Variants in ADAMTS12 observed in about 807,000 individuals in gnomAD.
ADAMTS12 encodes ADAM metallopeptidase with thrombospondin type 1 motif 12.
A neutral mutation model predicts 167.8 loss-of-function variants in ADAMTS12; 118 were observed. The observed-to-expected ratio is 0.70, with a 90% CI of 0.61 to 0.82. The LOEUF (loss-of-function observed/expected upper bound fraction) is 0.82, where lower values mean the gene tolerates loss of function less well. ADAMTS12 is among the 40% of genes least tolerant of loss of function. ADAMTS12 has a pLI of 0.00. For missense variants in ADAMTS12, 1,916 were observed against 1,998.8 expected (o/e 0.96, Z 0.79); for synonymous variants, 704 against 716.9 (o/e 0.98, Z 0.29).
chr5:33,576,320 C>T lies in ADAMTS12; in HGVS notation c.3706G>A (p.Val1236Ile), dbSNP rs572898982. The T allele has an allele frequency of 1.2e-6, 2 of 1,614,204 alleles. No individual in the cohort carries two copies. The highest frequency in any genetic ancestry group is 4.5e-5 in the East Asian group (2 of 44,888). The change falls in exon 19 of 24, where the codon GTT (valine) becomes ATT (isoleucine). Residue 1236 changes from valine (V) to isoleucine (I), a missense_variant. By Grantham distance (29) the Val-to-Ile change is conservative. Transcript: ENST00000504830. Reference sequence around the variant, plus strand: ...GGCTTTTCAGTAACCATCCCCTCAACTCTGGGTGTCCCAGTTTCGGAAGTA... The same window carrying T: ...GGCTTTTCAGTAACCATCCCCTCAATTCTGGGTGTCCCAGTTTCGGAAGTA... ...PTTSETGTPR[V>I]EGMVTEKPAN...
intron 2 of ADAMTS12, among the ~76,000 whole-genome samples, chr5:33,861,413 G>A (rs1749612145): frequency 6.6e-6 from 1 of 152,050 alleles, no homozygotes; most frequent in South Asian, 2.1e-4. Flanking sequence ...AGCCAAAAAA[G>A]ATCAAAAAAG....
intron 5 of ADAMTS12, among the ~76,000 whole-genome samples, chr5:33,676,029 C>T (rs977987278): frequency 2.6e-5 from 4 of 152,136 alleles, no homozygotes; most frequent in African/African-American, 9.7e-5. Flanking sequence ...CTCATTTCCT[C>T]TGCAAACAAA....
Position 33,881,066 on chromosome 5 carries a change from C to A in ADAMTS12, c.489+53G>T, listed in dbSNP as rs930060518. ...AACCTGTTGGTAGTAGGTCTACCAG[C>A]TGAGACTCTAGGGGCCAGGGCAGAG... On this transcript the variant is annotated intron_variant, in intron 2 of 23. Transcript: ENST00000504830. 6.3e-6 allele frequency: 10 copies of A among 1,580,650 alleles called. No individual in the cohort carries two copies. In the East Asian group the frequency reaches 2.0e-4, roughly 32 times the overall value.
chr5:33,751,212 T>C (rs1034782464), intron 3 of ADAMTS12, 192 bp downstream of exon 3: 18 of 686,718 alleles, frequency 2.6e-5, no homozygotes, highest in Non-Finnish European at 4.1e-5. Flanking sequence ...AGTGAAAGGG[T>C]TTATACAAGC....
intron 7 of ADAMTS12, among the ~76,000 whole-genome samples, chr5:33,651,444 G>T (rs1740865694): frequency 6.6e-6 from 1 of 152,144 alleles, no homozygotes; most frequent in South Asian, 2.1e-4. Context: ...ACAAACAAGT[G>T]TGCAAAAAAC....
At chr5:33,554,666 T>C (rs1745409499) in intron 20 of ADAMTS12, among the ~76,000 whole-genome samples, 1 of 152,220 alleles carries the variant, frequency 6.6e-6, no homozygotes, top group Non-Finnish European at 1.5e-5. Context: ...TCTGGGAACA[T>C]GCTGTGTATG....
chr5:33,860,033 G>T (rs1466362376), intron 2 of ADAMTS12, among the ~76,000 whole-genome samples: 1 of 152,162 alleles, frequency 6.6e-6, no homozygotes. Flanking sequence ...ACCAAAGGTC[G>T]ATAAATCCAC....
intron 16 of ADAMTS12, among the ~76,000 whole-genome samples, chr5:33,600,603 G>C (rs1738139837): frequency 6.6e-6 from 1 of 152,108 alleles, no homozygotes; most frequent in African/African-American, 2.4e-5. Context: ...AGATACTTAA[G>C]ACAGTGAACA....
intron 2 of ADAMTS12, among the ~76,000 whole-genome samples, chr5:33,847,717 T>G (rs1201825614): frequency 6.6e-6 from 1 of 152,134 alleles, no homozygotes; most frequent in Non-Finnish European, 1.5e-5. Flanking sequence ...TAGGATTACT[T>G]AACTGCCAAG....
intron 18 of ADAMTS12, among the ~76,000 whole-genome samples, chr5:33,578,288 T>C (rs1033578348): frequency 2.0e-5 from 3 of 152,180 alleles, no homozygotes; most frequent in South Asian, 4.1e-4. Context: ...GACGTCCCTA[T>C]GAGATGTACA....
chr5:33,680,302 A>G (rs968331863), intron 5 of ADAMTS12, among the ~76,000 whole-genome samples: 1 of 152,164 alleles, frequency 6.6e-6, no homozygotes, highest in African/African-American at 2.4e-5. Context: ...ACTGGCATCA[A>G]CATGCCATGG....
chr5:33,534,851 C>A lies in ADAMTS12; in HGVS notation c.4588G>T (p.Ala1530Ser). 6.2e-7 allele frequency: 1 copy of A among 1,613,570 alleles called. No individual in the cohort carries two copies. Among genetic ancestry groups the A allele is most frequent in the Non-Finnish European group, 8.5e-7 (1 of 1,179,786 alleles). ...CACCCACCGGCACTTTTCTTGCAGGCCTGCTGGTTGCATTTTTTGAATTCT... is the reference window on the plus strand; with the variant it reads ...CACCCACCGGCACTTTTCTTGCAGGACTGCTGGTTGCATTTTTTGAATTCT... ...PPEFKKCNQQ[A>S]CKKSADLLCT... Residue 1530 changes from alanine to serine, a missense_variant, in exon 23 of 24, where the codon GCC becomes TCC. Physicochemically the swap from Ala to Ser is moderately conservative, Grantham distance 99. Coordinates refer to ENST00000504830, the MANE Select transcript of ADAMTS12 (RefSeq NM_030955.4).
chr5:33,611,344 T>C (rs1049274871), intron 16 of ADAMTS12, among the ~76,000 whole-genome samples: 1 of 152,150 alleles, frequency 6.6e-6, no homozygotes, highest in African/African-American at 2.4e-5. Flanking sequence ...GGACTTTTTT[T>C]TTTTTTGTCT....
chr5:33,575,224 A>AGCTAT (rs1233489040), intron 19 of ADAMTS12, among the ~76,000 whole-genome samples: 3 of 152,230 alleles, frequency 2.0e-5, no homozygotes, highest in African/African-American at 7.2e-5. Flanking sequence ...TGATATGGCG[A>AGCTAT]GCTATACAAT....
At chr5:33,544,107 A>G (rs953574726) in intron 22 of ADAMTS12, among the ~76,000 whole-genome samples, 2 of 152,214 alleles carry the variant, frequency 1.3e-5, no homozygotes, top group African/African-American at 4.8e-5. Context: ...TTATATTTAG[A>G]AAAACCCATC....
At chr5:33,606,042 G>A (rs954079928) in intron 16 of ADAMTS12, among the ~76,000 whole-genome samples, 6 of 152,046 alleles carry the variant, frequency 3.9e-5, no homozygotes, top group South Asian at 2.1e-4. Context: ...CTGCCTCCCC[G>A]GTTCAAGCAA....
rs768505459 is a variant in ADAMTS12, at chr5:33,637,766, G to A, written c.1719-20C>T. The A allele has an allele frequency of 2.5e-6, 4 of 1,609,776 alleles. No individual in the cohort carries two copies. In the South Asian group the frequency reaches 4.4e-5, roughly 18 times the overall value. On this transcript the variant is annotated intron_variant, in intron 11 of 23. Coordinates refer to ENST00000504830, the MANE Select transcript of ADAMTS12 (RefSeq NM_030955.4). Reference sequence around the variant, plus strand: ...TTTGGCCTGCAAATGAAACAGACAAGCTTTTCTTTTAGTTTGCTTCAACGC... The same window carrying A: ...TTTGGCCTGCAAATGAAACAGACAAACTTTTCTTTTAGTTTGCTTCAACGC...
At chr5:33,720,181 G>C (rs1407078848) in intron 3 of ADAMTS12, among the ~76,000 whole-genome samples, 1 of 151,902 alleles carries the variant, frequency 6.6e-6, no homozygotes, top group Non-Finnish European at 1.5e-5. Context: ...GGGGTTAAGA[G>C]AAATTTATTG....
chr5:33,548,164 GT>G (rs1356031147), intron 21 of ADAMTS12, among the ~76,000 whole-genome samples: 1 of 152,214 alleles, frequency 6.6e-6, no homozygotes, highest in Non-Finnish European at 1.5e-5. Context: ...CTGGCACATG[GT>G]AGGTGCCCCC....
Sources: allele counts gnomAD v4.1 joint callset (sites outside exome capture counted in the v4.1 genomes callset), GRCh38; gene constraint gnomAD v4.1.1; transcripts MANE v1.5; gene names NCBI Gene and HGNC (gene_info 2026-07-23, HGNC 2026-07-21).